The following LRPPRC variants were observed in gnomAD, a reference collection of about 807,000 sequenced individuals.
The protein encoded by LRPPRC is leucine-rich PPR motif-containing protein, mitochondrial.
LRPPRC carries 120 observed loss-of-function variants against 180.3 expected under a neutral mutation model. The observed-to-expected ratio is 0.67, with a 90% confidence interval of 0.57 to 0.77. LRPPRC has a LOEUF of 0.77. LRPPRC is among the 30% of genes least tolerant of loss of function. The probability of loss-of-function intolerance (pLI) is 0.00; values close to 1 mark genes in which losing one functional copy is unlikely to be tolerated. For missense variants in LRPPRC, 2,012 were observed against 1,657.2 expected (o/e 1.21, Z -3.72); for synonymous variants, 723 against 600.0 (o/e 1.21, Z -3.00).
intron 2 of LRPPRC, among the ~76,000 whole-genome samples, chr2:43,981,189 T>C (rs1380016299): frequency 6.6e-6 from 1 of 151,188 alleles, no homozygotes; most frequent in Non-Finnish European, 1.5e-5. Context: ...AGATTTTTAG[T>C]AGCTAATTGA....
chr2:43,895,563 C>G (rs1011938832), intron 35 of LRPPRC, among the ~76,000 whole-genome samples: 1 of 152,176 alleles, frequency 6.6e-6, no homozygotes, highest in African/African-American at 2.4e-5. Context: ...AAAACACAGC[C>G]TCTCTGAAAG....
chr2:43,952,232 TC>T (rs1366199205), intron 14 of LRPPRC, among the ~76,000 whole-genome samples: 1 of 151,810 alleles, frequency 6.6e-6, no homozygotes, highest in Non-Finnish European at 1.5e-5. Context: ...TAAGCTGCCC[TC>T]AAACGTGGCA....
At chr2:43,904,707 C>CA (rs796673288) in intron 31 of LRPPRC, 2,645 of 80,908 alleles carry the variant, frequency 0.033, 104 homozygotes, top group African/African-American at 0.12. Flanking sequence ...AAAACAAAAA[C>CA]AAAAAAAAAA....
chr2:43,907,587 A>T (rs985246492), intron 30 of LRPPRC, among the ~76,000 whole-genome samples: 11 of 152,196 alleles, frequency 7.2e-5, no homozygotes, highest in African/African-American at 2.7e-4. Flanking sequence ...CTGATGAAGA[A>T]ACAGAAATCT....
intron 31 of LRPPRC, among the ~76,000 whole-genome samples, chr2:43,905,037 T>C (rs866105660): frequency 2.6e-5 from 4 of 152,124 alleles, no homozygotes; most frequent in Admixed American, 6.5e-5. Context: ...ATCAAACCAG[T>C]GGCCCCCACC....
chr2:43,911,325 T>G (rs938424949), intron 30 of LRPPRC, among the ~76,000 whole-genome samples: 7 of 151,894 alleles, frequency 4.6e-5, no homozygotes, highest in Non-Finnish European at 8.8e-5. Flanking sequence ...CAGAACATGT[T>G]TTTCAACATT....
chr2:43,889,314 CAAAAAAAA>C (rs780032604), intron 37 of LRPPRC, among the ~76,000 whole-genome samples: 4 of 38,338 alleles, frequency 1.0e-4, no homozygotes, highest in Non-Finnish European at 1.6e-4. Context: ...GACTCCATCT[CAAAAAAAA>C]AAAAAAAAAA....
At chr2:43,906,018 A>G (rs1671056415) in intron 30 of LRPPRC, among the ~76,000 whole-genome samples, 1 of 152,224 alleles carries the variant, frequency 6.6e-6, no homozygotes, top group African/African-American at 2.4e-5. Flanking sequence ...AACAAAGTAC[A>G]AGATTTTTTT....
At position 43,909,280 on chromosome 2, in the gene LRPPRC, T is replaced by C. The variant is rs369339677; in HGVS notation, c.3275+3152A>G. On this transcript the variant is annotated intron_variant, in intron 30 of 37. Transcript: ENST00000260665. ...AGAGGACATGCATCCAAAGCCCAGA[T>C]TGACTTCAGGCTTTGGATCTTGGGT... Among the ~76,000 whole-genome samples the C allele has an allele frequency of 2.2e-4, 34 of 152,108 alleles. No homozygotes were observed. In the South Asian group the frequency reaches 5.0e-3, roughly 22 times the overall value.
chr2:43,902,618 T>A (rs1670927503), intron 31 of LRPPRC: 1 of 151,708 alleles, frequency 6.6e-6, no homozygotes, highest in Non-Finnish European at 1.5e-5. Context: ...CATTCTCAAA[T>A]GAGAAAAAAG....
At position 43,956,979 on chromosome 2, in the gene LRPPRC, C is replaced by G. The variant is rs578103236; in HGVS notation, c.1649+406G>C. On this transcript the variant is annotated intron_variant, in intron 14 of 37. Coordinates refer to ENST00000260665, the MANE Select transcript of LRPPRC (RefSeq NM_133259.4). ...TTATGTTTATCTATTTTCAAAATAA[C>G]AAAATTGGAAGGGCAAGGTCATTAA... Among the ~76,000 whole-genome samples the G allele has an allele frequency of 2.0e-5, 3 of 152,142 alleles. No individual in the cohort carries two copies. The South Asian group carries it at 6.2e-4, about 32-fold the overall frequency.
At chr2:43,963,898 C>G in intron 11 of LRPPRC, 192 bp from the exon 12 acceptor site, 1 of 606,342 alleles carries the variant, frequency 1.6e-6, no homozygotes, top group Non-Finnish European at 2.9e-6. Context: ...TTCTTCATCC[C>G]CCTCTGTGAA....
intron 12 of LRPPRC, 21 bp downstream of exon 12, chr2:43,963,567 T>G: frequency 7.3e-7 from 1 of 1,374,298 alleles, no homozygotes. Flanking sequence ...ATTATTAAAT[T>G]AAAACCACAC....
chr2:43,973,839 G>C lies in LRPPRC; in HGVS notation c.1217C>G (p.Pro406Arg). 6.2e-7 allele frequency: 1 copy of C among 1,613,828 alleles called. No individual in the cohort carries two copies. The highest frequency in any genetic ancestry group is 1.3e-5 in the African/African-American group (1 of 75,030). ...KLKEVQMHSFPLQFTLHCALL... is the reference protein window; with the variant it reads ...KLKEVQMHSFRLQFTLHCALL... ...AGCACAATGGAGGGTGAACTGCAGA[G>C]GAAAGGAGTGCATCTGGACTTCCTT... The change falls in exon 10 of 38, where the codon CCT becomes CGT. Residue 406 changes from proline (P) to arginine (R), a missense_variant. Pro to Arg is a moderately radical substitution (Grantham distance 103). Transcript: ENST00000260665.
At chr2:43,966,244 T>C (rs1398373138) in intron 11 of LRPPRC, among the ~76,000 whole-genome samples, 1 of 150,908 alleles carries the variant, frequency 6.6e-6, no homozygotes, top group Non-Finnish European at 1.5e-5. Flanking sequence ...ATATGGAATC[T>C]ACTAAAAAAA....
chr2:43,926,110 C>T, intron 25 of LRPPRC, 149 bp from the exon 26 acceptor site: 2 of 584,972 alleles, frequency 3.4e-6, no homozygotes, highest in Non-Finnish European at 3.0e-6. Flanking sequence ...AGTATACAAT[C>T]TATATACTAA....
At chr2:43,888,836 G>T (rs750722047) in intron 37 of LRPPRC, among the ~76,000 whole-genome samples, 180 bp from the exon 38 acceptor site, 32 of 152,094 alleles carry the variant, frequency 2.1e-4, no homozygotes, top group Admixed American at 1.3e-3. Flanking sequence ...CAAGGGCCTC[G>T]GGTTCAGAGT....
intron 31 of LRPPRC, 92 bp downstream of exon 31, chr2:43,905,600 A>C: frequency 1.1e-6 from 1 of 909,950 alleles, no homozygotes; most frequent in South Asian, 1.3e-5. Flanking sequence ...TAATTTGCTA[A>C]ATGGACTCCT....
intron 34 of LRPPRC, 37 bp downstream of exon 34, chr2:43,899,182 C>T: frequency 7.0e-7 from 1 of 1,421,738 alleles, no homozygotes; most frequent in Non-Finnish European, 9.9e-7. Flanking sequence ...TCTTGCAAGC[C>T]TCGAGCCCCA....
Sources: gnomAD v4.1 joint callset for allele counts (sites outside exome capture counted in the v4.1 genomes callset) on GRCh38, gnomAD v4.1.1 for gene constraint, MANE v1.5 for transcripts, NCBI Gene and HGNC (gene_info 2026-07-23, HGNC 2026-07-21) for gene names.